Variants in ELAPOR2 observed in about 807,000 individuals in gnomAD.
ELAPOR2 encodes endosome-lysosome associated apoptosis and autophagy regulator family member 2, also known as endosome/lysosome-associated apoptosis and autophagy regulator family member 2.
ELAPOR2 carries 89 observed loss-of-function variants against 120.7 expected under a neutral mutation model. The ratio of observed to expected loss-of-function variants is 0.74; its 90% CI spans 0.62 to 0.88. The LOEUF (loss-of-function observed/expected upper bound fraction) is 0.88, where lower values mean the gene tolerates loss of function less well. Ranked by LOEUF, ELAPOR2 falls within the 40% of genes least tolerant of loss-of-function variation. The pLI is 0.00. For missense variants in ELAPOR2, 1,134 were observed against 1,251.6 expected, an observed-to-expected ratio of 0.91 and a Z score of 1.42; for synonymous variants, 444 against 444.9, an observed-to-expected ratio of 1.00 and a Z score of 0.03.
chr7:87,014,400 A>C (rs1384942271), intron 1 of ELAPOR2, among the ~76,000 whole-genome samples: 1 of 152,172 alleles, frequency 6.6e-6, no homozygotes, highest in Non-Finnish European at 1.5e-5. Flanking sequence ...TTTATGGTAA[A>C]AGCTTCAGTG....
intron 5 of ELAPOR2, among the ~76,000 whole-genome samples, chr7:86,941,114 C>T (rs1389534914): frequency 1.3e-5 from 2 of 151,998 alleles, no homozygotes; most frequent in Admixed American, 1.3e-4. Context: ...TTGATGGTCA[C>T]TTATTGAAAT....
At chr7:87,049,937 G>C (rs192782833) in intron 1 of ELAPOR2, among the ~76,000 whole-genome samples, 9 of 152,276 alleles carry the variant, frequency 5.9e-5, no homozygotes, top group Admixed American at 5.9e-4. Context: ...ATTACTGCAG[G>C]AATAGGTTCC....
At chr7:86,930,273 T>C (rs1790269729) in intron 8 of ELAPOR2, among the ~76,000 whole-genome samples, 1 of 151,888 alleles carries the variant, frequency 6.6e-6, no homozygotes, top group South Asian at 2.1e-4. Context: ...TAAAGCTGCT[T>C]TAAAAAAAGT....
intron 21 of ELAPOR2, among the ~76,000 whole-genome samples, chr7:86,886,780 C>A (rs764405363): frequency 2.0e-5 from 3 of 152,126 alleles, no homozygotes; most frequent in Non-Finnish European, 4.4e-5. Flanking sequence ...AACTTTATCC[C>A]CTACTCCACG....
At chr7:86,911,262 C>A (rs899643582) in intron 15 of ELAPOR2, among the ~76,000 whole-genome samples, 1 of 152,014 alleles carries the variant, frequency 6.6e-6, no homozygotes, top group Non-Finnish European at 1.5e-5. Context: ...TGGATCACCC[C>A]AGGTAAAATC....
intron 1 of ELAPOR2, among the ~76,000 whole-genome samples, chr7:87,051,473 T>C (rs1165745280): frequency 6.6e-6 from 1 of 152,230 alleles, no homozygotes; most frequent in Non-Finnish European, 1.5e-5. Flanking sequence ...CTTCACTACA[T>C]GAGAATAATA....
At chr7:86,999,003 T>G (rs1275465123) in intron 1 of ELAPOR2, among the ~76,000 whole-genome samples, 1 of 152,056 alleles carries the variant, frequency 6.6e-6, no homozygotes, top group Non-Finnish European at 1.5e-5. Flanking sequence ...TTTCTTAAAC[T>G]TATTTATATA....
intron 4 of ELAPOR2, among the ~76,000 whole-genome samples, chr7:86,943,495 A>G (rs1038047582): frequency 2.6e-5 from 4 of 151,964 alleles, no homozygotes; most frequent in Non-Finnish European, 4.4e-5. Context: ...ATAAATTGCA[A>G]CCTCTAAAGC....
At chr7:87,055,394 C>T (rs1795230764) in intron 1 of ELAPOR2, among the ~76,000 whole-genome samples, 1 of 152,200 alleles carries the variant, frequency 6.6e-6, no homozygotes, top group Admixed American at 6.5e-5. Context: ...CAAATGAAGA[C>T]CAGCTTCTTA....
chr7:87,016,813 C>T (rs1177267315), intron 1 of ELAPOR2, among the ~76,000 whole-genome samples: 1 of 151,878 alleles, frequency 6.6e-6, no homozygotes, highest in African/African-American at 2.4e-5. Context: ...GGTGAGTCAT[C>T]ATCAGCAAAC....
At chr7:86,950,804 A>G (rs919033547) in intron 2 of ELAPOR2, among the ~76,000 whole-genome samples, 7 of 152,232 alleles carry the variant, frequency 4.6e-5, no homozygotes, top group African/African-American at 1.7e-4. Flanking sequence ...AACTCAGGCA[A>G]AGGTGCCACT....
At chr7:86,958,542 C>T in intron 2 of ELAPOR2, among the ~76,000 whole-genome samples, 1 of 152,304 alleles carries the variant, frequency 6.6e-6, no homozygotes, top group East Asian at 1.9e-4. Flanking sequence ...GGACAGAGAG[C>T]AGCCGGCCGA....
intron 12 of ELAPOR2, among the ~76,000 whole-genome samples, chr7:86,917,669 A>T (rs766983393): frequency 4.6e-5 from 7 of 152,274 alleles, no homozygotes; most frequent in Middle Eastern, 3.4e-3. Flanking sequence ...CACAAAGTGG[A>T]TACTTTTTTT....
chr7:87,031,668 C>A (rs146328794), intron 1 of ELAPOR2, among the ~76,000 whole-genome samples: 1 of 152,012 alleles, frequency 6.6e-6, no homozygotes, highest in Non-Finnish European at 1.5e-5. Context: ...TAGACTGCTG[C>A]GGCTAAATTT....
At chr7:87,017,810 A>T (rs1186236352) in intron 1 of ELAPOR2, among the ~76,000 whole-genome samples, 1 of 152,042 alleles carries the variant, frequency 6.6e-6, no homozygotes, top group East Asian at 1.9e-4. Context: ...AGTCCCAGCT[A>T]CTCAGAAGGC....
At chr7:86,983,732 A>T (rs1792600894) in intron 1 of ELAPOR2, among the ~76,000 whole-genome samples, 1 of 152,230 alleles carries the variant, frequency 6.6e-6, no homozygotes, top group Non-Finnish European at 1.5e-5. Flanking sequence ...CTGCAAAAAC[A>T]TGCCAAATTG....
rs139719474 is a variant in ELAPOR2 at position 87,004,734 on chromosome 7, G to A, written c.190-39710C>T. Among the ~76,000 whole-genome samples, 185 of 152,244 alleles carry A rather than the reference G, an allele frequency of 1.2e-3. 3 individuals are homozygous for A. The East Asian group carries it at 0.026, about 22-fold the overall frequency. ...AGCTGCACAGCTAATTACAGACAGT[G>A]CATTCTCATCATGAAGGCCATCGGA... On this transcript the variant is annotated intron_variant, in intron 1 of 21. Coordinates refer to ENST00000450689, the MANE Select transcript of ELAPOR2 (RefSeq NM_001142749.3).
chr7:86,966,938 C>T (rs1791927683), intron 1 of ELAPOR2, among the ~76,000 whole-genome samples: 1 of 152,052 alleles, frequency 6.6e-6, no homozygotes. Context: ...ATCCCAGTAA[C>T]CTCACTTTCT....
intron 2 of ELAPOR2, among the ~76,000 whole-genome samples, chr7:86,963,797 T>A (rs988060858): frequency 6.6e-6 from 1 of 152,190 alleles, no homozygotes; most frequent in Non-Finnish European, 1.5e-5. Flanking sequence ...CACACTTGCA[T>A]CAACTTCTTC....
Sources: gnomAD v4.1 joint callset for allele counts (sites outside exome capture counted in the v4.1 genomes callset) on GRCh38, gnomAD v4.1.1 for gene constraint, MANE v1.5 for transcripts, NCBI Gene and HGNC (gene_info 2026-07-23, HGNC 2026-07-21) for gene names.